Variants in RAP1GAP2 observed in about 807,000 individuals in gnomAD.
RAP1GAP2 encodes the protein RAP1 GTPase activating protein 2, also known as rap1 GTPase-activating protein 2.
A neutral mutation model predicts 95.0 loss-of-function variants in RAP1GAP2; 27 were observed. That is an observed-to-expected ratio of 0.28 (90% CI 0.21 to 0.39). The LOEUF (loss-of-function observed/expected upper bound fraction) is 0.39. RAP1GAP2 is among the 10% of genes least tolerant of loss of function. RAP1GAP2 has a pLI of 1.00. For missense variants in RAP1GAP2, 771 were observed against 970.0 expected (o/e 0.79, Z 2.72); for synonymous variants, 373 against 380.9 (o/e 0.98, Z 0.24).
At position 2,995,446 on chromosome 17, in the gene RAP1GAP2, A is replaced by G. The variant is rs2045916528; in HGVS notation, c.1024A>G (p.Thr342Ala). 1.2e-6 allele frequency: 2 copies of G among 1,613,748 alleles called. No individual in the cohort carries two copies. Among genetic ancestry groups the G allele is most frequent in the South Asian group, 2.2e-5 (2 of 91,088 alleles). The change falls in exon 13 of 25, where the codon ACC becomes GCC. Residue 342 changes from threonine to alanine, a missense_variant. Coordinates refer to ENST00000254695, the MANE Select transcript of RAP1GAP2 (RefSeq NM_015085.5). Reference sequence around the variant, plus strand: ...TCACGTTTCCACAAAGCTGCCATTTACCGACGGAGACGCCCAGCAGGTAAC... The same window carrying G: ...TCACGTTTCCACAAAGCTGCCATTTGCCGACGGAGACGCCCAGCAGGTAAC... ...MFHVSTKLPF[T>A]DGDAQQLQRK... is the part of the protein sequence containing the mutation.
chr17:2,939,053 C>T (rs2043394624), intron 3 of RAP1GAP2, among the ~76,000 whole-genome samples: 1 of 152,194 alleles, frequency 6.6e-6, no homozygotes. Flanking sequence ...CCCTATGCCT[C>T]TGCACACCCC....
At chr17:2,869,715 C>T (rs549132565) in intron 2 of RAP1GAP2, among the ~76,000 whole-genome samples, 1 of 152,342 alleles carries the variant, frequency 6.6e-6, no homozygotes, top group South Asian at 2.1e-4. Context: ...TGGGGAAGGT[C>T]AGGTCCCGGG....
chr17:2,830,173 A>C (rs1397943060), intron 2 of RAP1GAP2, among the ~76,000 whole-genome samples: 1 of 152,136 alleles, frequency 6.6e-6, no homozygotes, highest in African/African-American at 2.4e-5. Context: ...GCACTTTGGG[A>C]GGCCGAGGTG....
chr17:2,839,195 C>T (rs1362712434), intron 2 of RAP1GAP2, among the ~76,000 whole-genome samples: 2 of 151,768 alleles, frequency 1.3e-5, no homozygotes, highest in African/African-American at 4.8e-5. Context: ...CCCAGCTGCT[C>T]GGGAGGCTGA....
upstream of RAP1GAP2, among the ~76,000 whole-genome samples, chr17:2,792,452 C>T (rs901283809): frequency 2.0e-5 from 3 of 152,140 alleles, no homozygotes; most frequent in East Asian, 1.9e-4. Context: ...TGCCCAAGGT[C>T]GCTGGGCCCC....
intron 1 of RAP1GAP2, chr17:2,800,169 A>G (rs1054156675): frequency 4.1e-6 from 4 of 985,388 alleles, no homozygotes; most frequent in South Asian, 4.7e-5. Flanking sequence ...GGGTAGCCGT[A>G]ATAAAGGGAG....
At chr17:2,769,928 C>T (rs182282981) in intron 1 of RAP1GAP2, among the ~76,000 whole-genome samples, 156 of 151,982 alleles carry the variant, frequency 1.0e-3, no homozygotes, top group African/African-American at 3.5e-3. Context: ...CAAAAATTAG[C>T]GAGGCGTGGT....
chr17:2,985,663 A>C (rs1283399995), intron 11 of RAP1GAP2, among the ~76,000 whole-genome samples: 1 of 152,162 alleles, frequency 6.6e-6, no homozygotes, highest in Non-Finnish European at 1.5e-5. Context: ...TGTAGCCCTC[A>C]CACGTTGCTT....
intron 2 of RAP1GAP2, among the ~76,000 whole-genome samples, chr17:2,808,119 C>A (rs933745612): frequency 6.6e-6 from 1 of 151,942 alleles, no homozygotes. Flanking sequence ...CAGTAAATCC[C>A]GTTGTTCTCA....
Position 2,908,202 on chromosome 17 carries a change from G to A in RAP1GAP2, c.165+2834G>A, listed in dbSNP as rs115561427. 2.5e-3 allele frequency among the ~76,000 whole-genome samples: 374 copies of A among 152,254 alleles called. 2 individuals are homozygous for A. Among genetic ancestry groups the A allele is most frequent in the African/African-American group, 8.3e-3 (344 of 41,552 alleles). ...CCTCTGCACATGCGTTCAGGCAGCC[G>A]AGAGAGAGAAGGCGACAGCAAGAGG... On this transcript the variant is annotated intron_variant, in intron 3 of 24. Transcript: ENST00000254695.
At position 2,867,712 on chromosome 17, in the gene RAP1GAP2, G is replaced by A. The variant is rs1402117755; in HGVS notation, c.81-37572G>A. On this transcript the variant is annotated intron_variant, in intron 2 of 24. Transcript: ENST00000254695. This position sits in a 1 kb window ranked among gnomAD's most constrained non-coding sequence, Gnocchi z 4.5. Reference sequence around the variant, plus strand: ...AGGGATGGGTCACCTAAGGAAACCTGGCATGTTGCTCTCAGAAGCTCAGGG... The same window carrying A: ...AGGGATGGGTCACCTAAGGAAACCTAGCATGTTGCTCTCAGAAGCTCAGGG... 6.6e-6 allele frequency among the ~76,000 whole-genome samples: 1 copy of A among 152,130 alleles called. No individual in the cohort carries two copies. Among genetic ancestry groups the A allele is most frequent in the African/African-American group, 2.4e-5 (1 of 41,424 alleles).
At chr17:2,813,900 T>A (rs1487676571) in intron 2 of RAP1GAP2, among the ~76,000 whole-genome samples, 2 of 151,604 alleles carry the variant, frequency 1.3e-5, no homozygotes, top group East Asian at 3.9e-4. Context: ...GAGGCGGAGG[T>A]TGCAGTGAGC....
In RAP1GAP2 at chr17:2,918,410, G is replaced by T. The variant is rs559289321; in HGVS notation, c.165+13042G>T. On this transcript the variant is annotated intron_variant, in intron 3 of 24. Coordinates refer to ENST00000254695, the MANE Select transcript of RAP1GAP2 (RefSeq NM_015085.5). ...ATCGTGCCACTACACTCCAGCCTGG[G>T]CAATAGAATGAGACTCCATCTCAAA... is the stretch of plus-strand genomic sequence containing the variant. 9.0e-5 allele frequency among the ~76,000 whole-genome samples: 12 copies of T among 133,900 alleles called. No homozygotes were observed. In the East Asian group the frequency reaches 2.8e-3, roughly 31 times the overall value. 87.8% of individuals were successfully genotyped at this position (133,900 alleles called of 152,430 possible). A position where few individuals can be genotyped will look rare whatever the true frequency, so the allele number is the denominator to read the frequency against.
intron 2 of RAP1GAP2, among the ~76,000 whole-genome samples, chr17:2,875,267 A>G (rs2073044814): frequency 6.6e-6 from 1 of 152,102 alleles, no homozygotes; most frequent in Admixed American, 6.6e-5. Flanking sequence ...GGATCTTGCC[A>G]TGTTGGCCAG....
chr17:2,826,069 C>T lies in RAP1GAP2; in HGVS notation c.80+25519C>T, dbSNP rs186104490. 2.1e-4 allele frequency among the ~76,000 whole-genome samples: 32 copies of T among 150,688 alleles called. 1 individual carries two copies. The highest frequency in any genetic ancestry group is 1.8e-3 in the Admixed American group (27 of 15,092). The stretch of plus-strand genomic sequence containing the variant: ...CATCTCGGCTCACTGCAACTTCCTC[C>T]TCCCAGGTTCAAGCGATTCTGCTGC... On this transcript the variant is annotated intron_variant, in intron 2 of 24. Coordinates refer to ENST00000254695, the MANE Select transcript of RAP1GAP2 (RefSeq NM_015085.5).
At chr17:2,949,197 T>C (rs992987330) in intron 3 of RAP1GAP2, among the ~76,000 whole-genome samples, 1 of 152,084 alleles carries the variant, frequency 6.6e-6, no homozygotes. Context: ...CACGGGGAAA[T>C]GCTGGCCGCC....
chr17:2,756,839 G>C (rs2071157549), intron 1 of RAP1GAP2, among the ~76,000 whole-genome samples: 1 of 152,176 alleles, frequency 6.6e-6, no homozygotes, highest in African/African-American at 2.4e-5. Flanking sequence ...GAAGCCGAGG[G>C]TCAGAGAGGG....
intron 2 of RAP1GAP2, among the ~76,000 whole-genome samples, chr17:2,872,831 T>A (rs913914965): frequency 5.9e-5 from 9 of 152,028 alleles, no homozygotes; most frequent in Non-Finnish European, 1.3e-4. Flanking sequence ...CTACCATGCC[T>A]GGCAAAGTTT....
Position 2,827,861 on chromosome 17 carries a change from C to T in RAP1GAP2, c.80+27311C>T, listed in dbSNP as rs989690717. On this transcript the variant is annotated intron_variant, in intron 2 of 24. Coordinates refer to ENST00000254695, the MANE Select transcript of RAP1GAP2 (RefSeq NM_015085.5). This position sits in a 1 kb window ranked among gnomAD's most constrained non-coding sequence, Gnocchi z 4.1. ...ACAAGGGGGAGGGTTCATACACGAT[C>T]GGTTGCAGCAGGCACGCCAGTGACG... Among the ~76,000 whole-genome samples, 6 of 151,836 alleles carry T rather than the reference C, an allele frequency of 4.0e-5. No individual in the cohort carries two copies. Among genetic ancestry groups the T allele is most frequent in the Admixed American group, 1.3e-4 (2 of 15,234 alleles).
Sources: gnomAD v4.1 joint callset for allele counts (sites outside exome capture counted in the v4.1 genomes callset) on GRCh38, gnomAD v4.1.1 for gene constraint, Gnocchi (gnomAD v3.1) non-coding constraint, MANE v1.5 for transcripts, NCBI Gene and HGNC (gene_info 2026-07-23, HGNC 2026-07-21) for gene names.